The following EML6 variants were observed in gnomAD, a reference collection of about 807,000 sequenced individuals.
EML6 encodes the protein EMAP like 6, also known as echinoderm microtubule-associated protein-like 6.
A neutral mutation model predicts 240.1 loss-of-function variants in EML6; 154 were observed. That is an observed-to-expected ratio of 0.64 (90% confidence interval 0.56 to 0.73). EML6 has a LOEUF of 0.73. Ranked by LOEUF, EML6 falls within the 30% of genes least tolerant of loss-of-function variation. The pLI, the probability that EML6 is intolerant of heterozygous loss-of-function variation, is 0.00. For missense variants in EML6, 2,964 were observed against 2,474.6 expected (o/e 1.20, Z -4.20); for synonymous variants, 1,148 against 899.0 (o/e 1.28, Z -4.95).
Position 54,970,236 on chromosome 2 carries a change from G to A in EML6, c.*141G>A, listed in dbSNP as rs1263581672. 2 of 797,296 alleles carry A rather than the reference G, an allele frequency of 2.5e-6. No homozygotes were observed. The highest frequency in any genetic ancestry group is 3.0e-5 in the South Asian group (2 of 66,956). 49.4% of individuals were successfully genotyped at this position (797,296 alleles called of 1,614,324 possible). ...GGATGCACAAGCTCAAAACGCTGCA[G>A]AAGTTACACAACTGCTCCCATAATC... On this transcript the variant is annotated 3_prime_UTR_variant, in exon 42 of 42. Coordinates refer to ENST00000356458, the MANE Select transcript of EML6 (RefSeq NM_001039753.4).
At position 54,971,126 on chromosome 2, in the gene EML6, G is replaced by C. The variant is rs1347678569; in HGVS notation, c.*1031G>C. 1.3e-5 allele frequency: 2 copies of C among 152,192 alleles called. No homozygotes were observed. The highest frequency in any genetic ancestry group is 6.5e-5 in the Admixed American group (1 of 15,282). 9.4% of individuals were successfully genotyped at this position (152,192 alleles called of 1,614,324 possible). A position where few individuals can be genotyped will look rare whatever the true frequency, so the allele number is the denominator to read the frequency against. On this transcript the variant is annotated 3_prime_UTR_variant, in exon 42 of 42. Coordinates refer to ENST00000356458, the MANE Select transcript of EML6 (RefSeq NM_001039753.4). Reference sequence around the variant, plus strand: ...GAGTGGAGTTGAGGTGACTTCATTTGATTGCTTCAGGCGAACTATATAGGT... The same window carrying C: ...GAGTGGAGTTGAGGTGACTTCATTTCATTGCTTCAGGCGAACTATATAGGT...
chr2:54,736,127 T>C (rs58175244), intron 2 of EML6, among the ~76,000 whole-genome samples: 13,092 of 152,096 alleles, frequency 0.086, 1,161 homozygotes, highest in East Asian at 0.53. Context: ...CGGTGGGAGA[T>C]GAAGCTGGAA....
chr2:54,969,692 T>TG (rs1271242080), intron 41 of EML6, among the ~76,000 whole-genome samples: 1 of 152,234 alleles, frequency 6.6e-6, no homozygotes, highest in African/African-American at 2.4e-5. Context: ...TTTGTAGGCA[T>TG]GGGAGCATGC....
chr2:54,888,061 C>G (rs1380955349), intron 17 of EML6, among the ~76,000 whole-genome samples: 2 of 152,180 alleles, frequency 1.3e-5, no homozygotes, highest in Non-Finnish European at 2.9e-5. Flanking sequence ...GCATAGACGC[C>G]AATACTATGC....
intron 26 of EML6, among the ~76,000 whole-genome samples, chr2:54,919,167 G>A (rs1158003681): frequency 6.6e-6 from 1 of 151,936 alleles, no homozygotes; most frequent in Non-Finnish European, 1.5e-5. Context: ...TTTGACAGAG[G>A]AAATGAGAAA....
intron 11 of EML6, among the ~76,000 whole-genome samples, chr2:54,858,979 T>G (rs1004506960): frequency 6.6e-6 from 1 of 152,194 alleles, no homozygotes; most frequent in Non-Finnish European, 1.5e-5. Flanking sequence ...ACTGAGCATA[T>G]GCTGATATGC....
intron 5 of EML6, 133 bp downstream of exon 5, chr2:54,820,595 T>C (rs1314342590): frequency 1.8e-6 from 1 of 557,006 alleles, no homozygotes; most frequent in Non-Finnish European, 3.1e-6. Context: ...CTTACCTGTT[T>C]CTCTGCTCCT....
intron 41 of EML6, among the ~76,000 whole-genome samples, chr2:54,969,641 A>C (rs1330628043): frequency 6.6e-6 from 1 of 152,226 alleles, no homozygotes; most frequent in East Asian, 1.9e-4. Context: ...TTGTTTTAAT[A>C]TAAAAAAGAA....
chr2:54,845,048 T>C (rs1390467980), intron 8 of EML6, among the ~76,000 whole-genome samples: 1 of 152,114 alleles, frequency 6.6e-6, no homozygotes, highest in Non-Finnish European at 1.5e-5. Flanking sequence ...TGCCTCTGGG[T>C]TTTGATAGCT....
At chr2:54,881,789 T>C (rs745308684) in intron 17 of EML6, 6 of 152,260 alleles carry the variant, frequency 3.9e-5, no homozygotes, top group Admixed American at 6.5e-5. Context: ...GATTCAGTCC[T>C]ACCCCTCACT....
chr2:54,939,940 G>C (rs367876207), intron 28 of EML6, among the ~76,000 whole-genome samples: 2 of 152,212 alleles, frequency 1.3e-5, no homozygotes, highest in African/African-American at 2.4e-5. Flanking sequence ...GGCGGTGCCA[G>C]AATTATTCTT....
intron 26 of EML6, among the ~76,000 whole-genome samples, chr2:54,925,490 T>C (rs1233505330): frequency 1.3e-5 from 2 of 152,192 alleles, no homozygotes; most frequent in Non-Finnish European, 2.9e-5. Flanking sequence ...AAAATTCAAG[T>C]TCCGTTTGTT....
chr2:54,899,711 A>G lies in EML6; in HGVS notation c.3053A>G (p.Asp1018Gly). ...PLLPICATVS[D>G]DKTLRIWELS... is the part of the protein sequence containing the mutation. ...CTGCCCATCTGTGCAACAGTGAGCG[A>G]TGATAAAACACTTCGCATCTGGGAA... The change falls in exon 22 of 42, where the codon GAT (aspartate) becomes GGT (glycine). Residue 1018 changes from aspartate (D) to glycine (G), a missense_variant. Coordinates refer to ENST00000356458, the MANE Select transcript of EML6 (RefSeq NM_001039753.4). The G allele has an allele frequency of 6.4e-7, 1 of 1,552,422 alleles. No homozygotes were observed. Among genetic ancestry groups the G allele is most frequent in the Non-Finnish European group, 8.7e-7 (1 of 1,147,358 alleles).
At chr2:54,729,996 C>T (rs1683083327) in intron 2 of EML6, among the ~76,000 whole-genome samples, 1 of 152,070 alleles carries the variant, frequency 6.6e-6, no homozygotes, top group Non-Finnish European at 1.5e-5. Context: ...GCTGGCTGGG[C>T]ATGGTGGCAG....
chr2:54,769,576 T>C (rs1458420370), intron 2 of EML6, among the ~76,000 whole-genome samples: 1 of 152,130 alleles, frequency 6.6e-6, no homozygotes, highest in East Asian at 1.9e-4. Flanking sequence ...ATATACTTTA[T>C]TGAGGTGTTA....
chr2:54,920,804 T>C (rs1674205608), intron 26 of EML6, among the ~76,000 whole-genome samples: 1 of 152,118 alleles, frequency 6.6e-6, no homozygotes, highest in Non-Finnish European at 1.5e-5. Context: ...AAAAAGATCA[T>C]ACACCATGAT....
intron 2 of EML6, among the ~76,000 whole-genome samples, chr2:54,739,479 A>G (rs983761687): frequency 1.2e-4 from 19 of 152,238 alleles, no homozygotes; most frequent in Middle Eastern, 3.2e-3. Flanking sequence ...ATAAAAGGGT[A>G]CATGGACCCC....
intron 8 of EML6, 28 bp downstream of exon 8, chr2:54,844,276 G>C (rs1339807252): frequency 2.0e-6 from 3 of 1,531,646 alleles, no homozygotes; most frequent in African/African-American, 1.4e-5. Flanking sequence ...TCACCTCTCT[G>C]ACTTCTTTGA....
intron 7 of EML6, among the ~76,000 whole-genome samples, chr2:54,840,024 A>C (rs1379084633): frequency 6.6e-6 from 1 of 152,264 alleles, no homozygotes; most frequent in African/African-American, 2.4e-5. Context: ...AAATACAGTA[A>C]AAAAGTAGAT....
Sources: allele counts gnomAD v4.1 joint callset (sites outside exome capture counted in the v4.1 genomes callset), GRCh38; gene constraint gnomAD v4.1.1; transcripts MANE v1.5; gene names NCBI Gene and HGNC (gene_info 2026-07-23, HGNC 2026-07-21).